The following FGF12 variants were observed in gnomAD, a reference collection of about 807,000 sequenced individuals.
The protein encoded by FGF12 is fibroblast growth factor 12, also known as fibroblast growth factor 12B.
In FGF12, 14 loss-of-function variants were observed where a neutral mutation model predicts 23.6. The observed-to-expected ratio is 0.59, with a 90% CI of 0.39 to 0.93. The LOEUF (loss-of-function observed/expected upper bound fraction) is 0.93. Among genes scored for constraint, FGF12 ranks in the 40% least tolerant of loss-of-function variants. FGF12 has a pLI of 0.00. For missense variants in FGF12, 175 were observed against 217.8 expected, an observed-to-expected ratio of 0.80 and a Z score of 1.24; for synonymous variants, 62 against 77.3, an observed-to-expected ratio of 0.80 and a Z score of 1.04.
At chr3:192,362,414 T>C (rs1216820635) in intron 2 of FGF12, among the ~76,000 whole-genome samples, 2 of 143,988 alleles carry the variant, frequency 1.4e-5, no homozygotes, top group African/African-American at 5.2e-5. Flanking sequence ...CAGTCCCAGG[T>C]GTGTGATGTT....
At chr3:192,212,410 G>A (rs1215817883) in intron 4 of FGF12, among the ~76,000 whole-genome samples, 2 of 151,976 alleles carry the variant, frequency 1.3e-5, no homozygotes, top group Admixed American at 6.5e-5. Context: ...AAAAAAAAAT[G>A]TATTAAATGT....
At position 192,176,809 on chromosome 3, in the gene FGF12, C is replaced by A. The variant is rs550660846; in HGVS notation, c.229-6153G>T. 2.6e-5 allele frequency among the ~76,000 whole-genome samples: 4 copies of A among 152,240 alleles called. No homozygotes were observed. In the South Asian group the frequency reaches 6.2e-4, roughly 24 times the overall value. On this transcript the variant is annotated intron_variant, in intron 4 of 5. Coordinates refer to ENST00000445105, the MANE Select transcript of FGF12 (RefSeq NM_004113.6). ...CAACCATTCATTTATAGGTTGCAAGCAAATTTTGTTCAAGATGTAAATATA... is the reference window on the plus strand; with the variant it reads ...CAACCATTCATTTATAGGTTGCAAGAAAATTTTGTTCAAGATGTAAATATA...
rs149472366 is a variant in FGF12, at chr3:192,653,822, C to T, written c.13+73359G>A. On this transcript the variant is annotated intron_variant, in intron 2 of 5. Coordinates refer to ENST00000445105, the MANE Select transcript of FGF12 (RefSeq NM_004113.6). ...CTCCGCCTCCCCAGTTCAAGTGATT[C>T]TCCTGCCTCAGCCTCCTGAGTAGCT... is the stretch of plus-strand genomic sequence containing the variant. Among the ~76,000 whole-genome samples, 3 of 151,158 alleles carry T rather than the reference C, an allele frequency of 2.0e-5. No homozygotes were observed. In the East Asian group the frequency reaches 5.9e-4, roughly 30 times the overall value.
intron 2 of FGF12, among the ~76,000 whole-genome samples, chr3:192,525,932 G>A (rs550733115): frequency 7.9e-5 from 12 of 152,186 alleles, no homozygotes; most frequent in South Asian, 4.1e-4. Flanking sequence ...GCGCCACCAC[G>A]CCCAGCGAAT....
chr3:192,643,665 T>A (rs1037503498), intron 2 of FGF12, among the ~76,000 whole-genome samples: 1 of 152,254 alleles, frequency 6.6e-6, no homozygotes, highest in African/African-American at 2.4e-5. Context: ...ACTTTATTAG[T>A]GTCCATTTCC....
At chr3:192,639,334 GC>G (rs2108663000) in intron 2 of FGF12, among the ~76,000 whole-genome samples, 1 of 152,336 alleles carries the variant, frequency 6.6e-6, no homozygotes, top group Admixed American at 6.5e-5. Flanking sequence ...GAAAAGAGAA[GC>G]CTTTTACACT....
At chr3:192,501,347 G>A (rs1333462005) in intron 2 of FGF12, among the ~76,000 whole-genome samples, 1 of 152,114 alleles carries the variant, frequency 6.6e-6, no homozygotes, top group African/African-American at 2.4e-5. Flanking sequence ...CTAAGTTTTA[G>A]GTGTATTGGT....
At chr3:192,647,455 A>T (rs956145118) in intron 2 of FGF12, among the ~76,000 whole-genome samples, 2 of 152,008 alleles carry the variant, frequency 1.3e-5, no homozygotes, top group Non-Finnish European at 2.9e-5. Flanking sequence ...AAGATTTAAA[A>T]TTTTATTATA....
intron 2 of FGF12, among the ~76,000 whole-genome samples, chr3:192,627,601 T>C (rs936583595): frequency 6.6e-6 from 1 of 152,160 alleles, no homozygotes; most frequent in Non-Finnish European, 1.5e-5. Flanking sequence ...AAATATCCTT[T>C]TGAGGCACAA....
chr3:192,681,911 A>G (rs1425660648), intron 2 of FGF12, among the ~76,000 whole-genome samples: 6 of 152,116 alleles, frequency 3.9e-5, no homozygotes, highest in African/African-American at 4.8e-5. Context: ...GTGCCCCAAG[A>G]AAAAAACACA....
At chr3:192,596,689 C>T (rs972993826) in intron 2 of FGF12, among the ~76,000 whole-genome samples, 3 of 152,140 alleles carry the variant, frequency 2.0e-5, no homozygotes, top group Non-Finnish European at 4.4e-5. Flanking sequence ...TTAGGATAAG[C>T]TAAAAGATTC....
chr3:192,296,157 C>T (rs1201578182), intron 4 of FGF12, among the ~76,000 whole-genome samples: 4 of 145,448 alleles, frequency 2.8e-5, no homozygotes, highest in Admixed American at 7.1e-5. Context: ...CTACCTGACT[C>T]GGCCTCCCAA....
At chr3:192,353,514 C>T (rs11709017) in intron 3 of FGF12, among the ~76,000 whole-genome samples, 8,689 of 151,854 alleles carry the variant, frequency 0.057, 780 homozygotes, top group African/African-American at 0.19. Context: ...GGACTACAGG[C>T]GCCCGCCACC....
intron 2 of FGF12, among the ~76,000 whole-genome samples, chr3:192,470,778 C>T (rs1399504655): frequency 6.6e-6 from 1 of 152,168 alleles, no homozygotes; most frequent in African/African-American, 2.4e-5. Flanking sequence ...CAAGGGAAAA[C>T]TAATCTCTTC....
chr3:192,274,058 T>G (rs1713621551), intron 4 of FGF12, among the ~76,000 whole-genome samples: 1 of 152,166 alleles, frequency 6.6e-6, no homozygotes, highest in Non-Finnish European at 1.5e-5. Flanking sequence ...TAACACATCC[T>G]AATTATCTTT....
intron 2 of FGF12, among the ~76,000 whole-genome samples, chr3:192,712,734 T>G (rs1439467999): frequency 7.5e-6 from 1 of 133,796 alleles, no homozygotes; most frequent in Non-Finnish European, 1.5e-5. Context: ...TGTGTATCCT[T>G]TTTTTTTTAG....
intron 2 of FGF12, among the ~76,000 whole-genome samples, chr3:192,438,216 CTGAG>C (rs1484144731): frequency 1.3e-5 from 2 of 152,226 alleles, no homozygotes; most frequent in Non-Finnish European, 2.9e-5. Flanking sequence ...CTGATTCTAA[CTGAG>C]TATTATTCCC....
intron 4 of FGF12, among the ~76,000 whole-genome samples, chr3:192,190,092 T>A (rs973913437): frequency 1.3e-5 from 2 of 152,210 alleles, no homozygotes; most frequent in African/African-American, 2.4e-5. Context: ...AAAGTTTTTT[T>A]AAAGTTATAA....
At chr3:192,372,943 G>C (rs1473721732) in intron 2 of FGF12, among the ~76,000 whole-genome samples, 1 of 152,072 alleles carries the variant, frequency 6.6e-6, no homozygotes, top group Non-Finnish European at 1.5e-5. Flanking sequence ...TTCAGACCTA[G>C]GGATTTTTGT....
Sources: gnomAD v4.1 joint callset for allele counts (sites outside exome capture counted in the v4.1 genomes callset) on GRCh38, gnomAD v4.1.1 for gene constraint, MANE v1.5 for transcripts, NCBI Gene and HGNC (gene_info 2026-07-23, HGNC 2026-07-21) for gene names.